MYOM3: variants seen among roughly 807,000 people sequenced by gnomAD.
The protein encoded by MYOM3 is myomesin 3.
In MYOM3, 155 loss-of-function variants were observed where a neutral mutation model predicts 191.7. The observed-to-expected ratio is 0.81, with a 90% confidence interval of 0.71 to 0.92. The LOEUF is 0.92. MYOM3 is among the 40% of genes least tolerant of loss of function. The pLI is 0.00. For synonymous variants in MYOM3, 757 were observed against 762.9 expected (o/e 0.99, Z 0.13); for missense variants, 1,889 against 1,890.6 (o/e 1.00, Z 0.02).
intron 14 of MYOM3, 58 bp from the exon 15 acceptor site, chr1:24,086,885 G>T: frequency 6.5e-7 from 1 of 1,538,570 alleles, no homozygotes; most frequent in South Asian, 1.2e-5. Context: ...GCTCTGTGCT[G>T]GTCACCTCCC....
In MYOM3 at chr1:24,090,886, C is replaced by G. The variant is rs777864474; in HGVS notation, c.1343G>C (p.Arg448Thr). The change falls in exon 12 of 37, where the codon AGA becomes ACA. Residue 448 changes from arginine to threonine, a missense_variant. By Grantham distance (71) the Arg-to-Thr change is moderately conservative. Transcript: ENST00000374434. ...VEGQSYRFRV[R>T]AISRVGSSVP... ...GCTGCTGCCTACCCTGCTGATGGCT[C>G]TCACCCGGAACCGATAGCTCTGACC... 3 of 1,614,172 alleles carry G rather than the reference C, an allele frequency of 1.9e-6. No homozygotes were observed. In the Admixed American group the frequency reaches 5.0e-5, roughly 27 times the overall value.
At chr1:24,101,369 C>G (rs915873589) in intron 5 of MYOM3, among the ~76,000 whole-genome samples, 7 of 152,214 alleles carry the variant, frequency 4.6e-5, no homozygotes, top group Non-Finnish European at 8.8e-5. Context: ...GTCCAGGCTG[C>G]ATCCCAAATC....
At chr1:24,057,661 C>T (rs1207149037) in intron 36 of MYOM3, 34 bp from the exon 37 acceptor site, 1 of 1,597,656 alleles carries the variant, frequency 6.3e-7, no homozygotes, top group Non-Finnish European at 8.6e-7. Flanking sequence ...ACAGTCTCAC[C>T]TCCTTGTAAC....
At chr1:24,094,103 T>C (rs1006459703) in intron 9 of MYOM3, among the ~76,000 whole-genome samples, 8 of 151,812 alleles carry the variant, frequency 5.3e-5, no homozygotes, top group Non-Finnish European at 1.2e-4. Flanking sequence ...CCCTGAGCAC[T>C]TGTGGTGCCC....
intron 7 of MYOM3, among the ~76,000 whole-genome samples, chr1:24,096,126 C>A (rs571079890): frequency 1.3e-5 from 2 of 152,230 alleles, no homozygotes; most frequent in Non-Finnish European, 2.9e-5. Context: ...AACACCCCAG[C>A]AGCCTGAAGC....
chr1:24,101,959 G>C (rs1643940347), intron 5 of MYOM3, among the ~76,000 whole-genome samples: 1 of 152,082 alleles, frequency 6.6e-6, no homozygotes. Context: ...AGGAGGCCTG[G>C]ATTTTGACAC....
At position 24,081,379 on chromosome 1, in the gene MYOM3, C is replaced by T. The variant is rs566748427; in HGVS notation, c.2358G>A (p.Ser786=). The T allele has an allele frequency of 8.1e-6, 13 of 1,614,122 alleles. No individual in the cohort carries two copies. The highest frequency in any genetic ancestry group is 1.7e-4 in the Middle Eastern group (1 of 6,020). Residue 786 remains serine, a synonymous_variant, in exon 19 of 37, where the codon TCG becomes TCA. Coordinates refer to ENST00000374434, the MANE Select transcript of MYOM3 (RefSeq NM_152372.4). ...AANWAGVGEL[S]APSSLFECKE... is the part of the protein sequence containing the mutation. ...TGCACTCAAACAGGCTGCTGGGTGC[C>T]GACAGCTCGCCAACACCTGCCCAGT...
chr1:24,077,070 C>A (rs928297059), intron 20 of MYOM3, among the ~76,000 whole-genome samples: 3 of 152,264 alleles, frequency 2.0e-5, no homozygotes, highest in Admixed American at 6.5e-5. Flanking sequence ...GATCCACCCC[C>A]CCTTGGCCGC....
intron 19 of MYOM3, 111 bp downstream of exon 19, chr1:24,081,219 A>G: frequency 1.4e-6 from 2 of 1,397,694 alleles, no homozygotes; most frequent in South Asian, 1.4e-5. Context: ...GGTGCAGGAC[A>G]AACAGTGCAA....
At chr1:24,077,231 G>A (rs1247787157) in intron 20 of MYOM3, among the ~76,000 whole-genome samples, 5 of 152,314 alleles carry the variant, frequency 3.3e-5, no homozygotes, top group East Asian at 1.9e-4. Flanking sequence ...CCTAAAGGGC[G>A]TTTCTGCCCT....
chr1:24,080,066 C>T lies in MYOM3; in HGVS notation c.2536G>A (p.Glu846Lys). 1 of 1,614,126 alleles carries T rather than the reference C, an allele frequency of 6.2e-7. No individual in the cohort carries two copies. The highest frequency in any genetic ancestry group is 1.1e-5 in the South Asian group (1 of 91,062). The change falls in exon 20 of 37, where the codon GAG becomes AAG. Residue 846 changes from glutamate to lysine, a missense_variant. Transcript: ENST00000374434. ...YHVSFQEEGS[E>K]QWKPVTPGPI... Reference sequence around the variant, plus strand: ...CCTGGGGTGACCGGCTTCCACTGCTCAGAGCCTTCCTCCTGGAAACTGACG... The same window carrying T: ...CCTGGGGTGACCGGCTTCCACTGCTTAGAGCCTTCCTCCTGGAAACTGACG...
Position 24,063,983 on chromosome 1 carries a change from G to A in MYOM3, c.3622+89C>T. On this transcript the variant is annotated intron_variant, in intron 30 of 36. Coordinates refer to ENST00000374434, the MANE Select transcript of MYOM3 (RefSeq NM_152372.4). The surrounding 1 kb of genome is among the most constrained non-coding windows in gnomAD (Gnocchi z 4.5). ...TGCCTCAATTTCTCCAAGTGACATG[G>A]GGATCCCATAAATCTTACTGCACAG... 1 of 962,574 alleles carries A rather than the reference G, an allele frequency of 1.0e-6. No individual in the cohort carries two copies. The highest frequency in any genetic ancestry group is 1.6e-6 in the Non-Finnish European group (1 of 622,586). The allele number at this position is 962,574 out of a possible 1,614,324, so 59.6% of individuals were successfully genotyped here. A position where few individuals can be genotyped will look rare whatever the true frequency, so the allele number is the denominator to read the frequency against.
At chr1:24,108,988 G>A (rs1294862027) in intron 1 of MYOM3, among the ~76,000 whole-genome samples, 4 of 152,202 alleles carry the variant, frequency 2.6e-5, no homozygotes, top group Non-Finnish European at 5.9e-5. Context: ...CAAGGTTTTC[G>A]CTTCTATGGG....
rs535218464 is a variant in MYOM3, at chr1:24,089,578, C to T, written c.1574G>A (p.Ser525Asn). ...AYVVLAWEEP[S>N]PRDRAPLTYS... ...CGTCAGTGGTGCTCTGTCCCGGGGG[C>T]TGGGCTCCTCCCAGGCCAGAACCAC... Residue 525 changes from serine to asparagine, a missense_variant, in exon 14 of 37, where the codon AGC becomes AAC. Coordinates refer to ENST00000374434, the MANE Select transcript of MYOM3 (RefSeq NM_152372.4). 1.7e-4 allele frequency: 268 copies of T among 1,598,618 alleles called. 2 individuals carry two copies. In the South Asian group the frequency reaches 2.9e-3, roughly 17 times the overall value.
intron 11 of MYOM3, 97 bp from the exon 12 acceptor site, chr1:24,091,093 G>T (rs1643816648): frequency 2.9e-6 from 4 of 1,358,080 alleles, no homozygotes; most frequent in East Asian, 2.4e-5. Context: ...GGGGGAGCCT[G>T]CCCAGCTCAT....
At chr1:24,105,418 C>T (rs186725705) in intron 5 of MYOM3, among the ~76,000 whole-genome samples, 1 of 152,238 alleles carries the variant, frequency 6.6e-6, no homozygotes, top group Non-Finnish European at 1.5e-5. Context: ...CTTCTCCCTG[C>T]CCCACCCACT....
intron 15 of MYOM3, 56 bp from the exon 16 acceptor site, chr1:24,084,695 G>C: frequency 6.6e-7 from 1 of 1,504,524 alleles, no homozygotes; most frequent in Middle Eastern, 2.4e-4. Context: ...GGTCTGACAG[G>C]CTGGGGAAGG....
rs551730822 is a variant in MYOM3 at position 24,092,142 on chromosome 1, T to C, written c.1232+32A>G. The C allele has an allele frequency of 4.5e-5, 65 of 1,428,680 alleles. No homozygotes were observed. The South Asian group carries it at 9.6e-4, about 21-fold the overall frequency. 88.5% of individuals were successfully genotyped at this position (1,428,680 alleles called of 1,614,324 possible). A position where few individuals can be genotyped will look rare whatever the true frequency, so the allele number is the denominator to read the frequency against. ...CCACCACCAGACAGAATTCTACCCC[T>C]AGGGCCTCTGCCACTCACGAGGTCG... On this transcript the variant is annotated intron_variant, in intron 11 of 36. Transcript: ENST00000374434.
intron 7 of MYOM3, among the ~76,000 whole-genome samples, chr1:24,096,971 G>C (rs927997655): frequency 6.6e-6 from 1 of 152,250 alleles, no homozygotes; most frequent in Non-Finnish European, 1.5e-5. Context: ...TGAGGAAATA[G>C]AGGCTCAGGG....
Sources: gnomAD v4.1 joint callset for allele counts (sites outside exome capture counted in the v4.1 genomes callset) on GRCh38, gnomAD v4.1.1 for gene constraint, Gnocchi (gnomAD v3.1) non-coding constraint, MANE v1.5 for transcripts, NCBI Gene and HGNC (gene_info 2026-07-23, HGNC 2026-07-21) for gene names.